The following PTPRU variants were observed in gnomAD, a reference collection of about 807,000 sequenced individuals.
PTPRU encodes the protein receptor-type tyrosine-protein phosphatase U.
In PTPRU, 69 loss-of-function variants were observed where a neutral mutation model predicts 166.3. The ratio of observed to expected loss-of-function variants is 0.41; its 90% CI spans 0.34 to 0.51. PTPRU has a LOEUF of 0.51. PTPRU is among the 20% of genes least tolerant of loss of function. The pLI is 0.09. For missense variants in PTPRU, 1,657 were observed against 2,013.7 expected, an observed-to-expected ratio of 0.82 and a Z score of 3.39; for synonymous variants, 793 against 814.0, an observed-to-expected ratio of 0.97 and a Z score of 0.44.
chr1:29,308,169 G>C (rs1434159487), intron 18 of PTPRU, among the ~76,000 whole-genome samples: 1 of 151,838 alleles, frequency 6.6e-6, no homozygotes, highest in Non-Finnish European at 1.5e-5. Context: ...GAGTGCAGGG[G>C]TGTGATCATG....
intron 14 of PTPRU, among the ~76,000 whole-genome samples, chr1:29,289,929 G>A (rs1262094681): frequency 6.6e-6 from 1 of 152,130 alleles, no homozygotes; most frequent in Non-Finnish European, 1.5e-5. Context: ...TGCTGGTTCT[G>A]CCCCTAAGAG....
intron 1 of PTPRU, among the ~76,000 whole-genome samples, chr1:29,251,979 G>A (rs1684562737): frequency 6.6e-6 from 1 of 152,236 alleles, no homozygotes; most frequent in Admixed American, 6.5e-5. Flanking sequence ...CTGCTGCACT[G>A]TGGGTCTTTT....
intron 15 of PTPRU, among the ~76,000 whole-genome samples, chr1:29,293,068 C>G (rs1686716080): frequency 6.6e-6 from 1 of 152,164 alleles, no homozygotes; most frequent in South Asian, 2.1e-4. Context: ...TAACCTCTGC[C>G]TCCAGGGTTG....
At position 29,238,706 on chromosome 1, in the gene PTPRU, T is replaced by C. The variant is rs1454623260; in HGVS notation, c.73+1989T>C. Among the ~76,000 whole-genome samples, 1 of 151,134 alleles carries C rather than the reference T, an allele frequency of 6.6e-6. No individual in the cohort carries two copies. Among genetic ancestry groups the C allele is most frequent in the African/African-American group, 2.4e-5 (1 of 41,178 alleles). On this transcript the variant is annotated intron_variant, in intron 1 of 29. Transcript: ENST00000373779. The surrounding 1 kb of genome is among the most constrained non-coding windows in gnomAD (Gnocchi z 6.1). ...CCCATCCTCCCCAACTTCTCCCCCA[T>C]GTCCTGCGGCAACTTTGCCTCCCTC...
chr1:29,320,494 G>A lies in PTPRU; in HGVS notation c.3688-191G>A. ...TCATGGGCTTGGTCCCCAGAGGCCT[G>A]GGCCCACCCTGTCAACCCAGGCCTC... On this transcript the variant is annotated intron_variant, in intron 25 of 29. Transcript: ENST00000373779. This position sits in a 1 kb window ranked among gnomAD's most constrained non-coding sequence, Gnocchi z 5.2. The A allele has an allele frequency of 1.9e-6, 1 of 539,086 alleles. No homozygotes were observed. The highest frequency in any genetic ancestry group is 3.0e-6 in the Non-Finnish European group (1 of 336,162). 33.4% of individuals were successfully genotyped at this position (539,086 alleles called of 1,614,324 possible).
chr1:29,259,701 G>A, intron 5 of PTPRU, 137 bp downstream of exon 5: 1 of 1,244,386 alleles, frequency 8.0e-7, no homozygotes, highest in Admixed American at 2.7e-5. Context: ...CCCTCCCCTA[G>A]CTCTGCTCTG....
chr1:29,300,437 C>T (rs182365960), intron 15 of PTPRU, among the ~76,000 whole-genome samples: 1 of 152,330 alleles, frequency 6.6e-6, no homozygotes, highest in East Asian at 1.9e-4. Flanking sequence ...TCACAGACTC[C>T]TTTAAAACAC....
chr1:29,298,411 G>A (rs1000276266), intron 15 of PTPRU, among the ~76,000 whole-genome samples: 1 of 152,194 alleles, frequency 6.6e-6, no homozygotes, highest in African/African-American at 2.4e-5. Context: ...GTGGAGGCCA[G>A]GTTTTTGTGG....
chr1:29,293,403 GC>G (rs1686734195), intron 15 of PTPRU, among the ~76,000 whole-genome samples: 1 of 152,078 alleles, frequency 6.6e-6, no homozygotes, highest in African/African-American at 2.4e-5. Context: ...GGGATTACTG[GC>G]GTGAGTCACT....
In PTPRU at chr1:29,320,678, C is replaced by T; in HGVS notation, c.3688-7C>T. The T allele has an allele frequency of 1.3e-6, 2 of 1,567,922 alleles. No homozygotes were observed. Among genetic ancestry groups the T allele is most frequent in the Non-Finnish European group, 1.7e-6 (2 of 1,148,960 alleles). On this transcript the variant is annotated splice_region_variant and splice_polypyrimidine_tract_variant and intron_variant, in intron 25 of 29. Transcript: ENST00000373779. The surrounding 1 kb of genome is among the most constrained non-coding windows in gnomAD (Gnocchi z 5.2). ...CAGGGCCCTGCTGAGTTCCGGTTTC[C>T]CTGCAGAGCTACACACGGAGTGCGG...
At chr1:29,243,216 G>A (rs1017168699) in intron 1 of PTPRU, among the ~76,000 whole-genome samples, 11 of 152,108 alleles carry the variant, frequency 7.2e-5, no homozygotes, top group Non-Finnish European at 1.5e-4. Context: ...GGTTTCTAAT[G>A]CTTCCACCAC....
At chr1:29,255,068 T>A (rs1411726768) in intron 1 of PTPRU, among the ~76,000 whole-genome samples, 1 of 151,134 alleles carries the variant, frequency 6.6e-6, no homozygotes, top group African/African-American at 2.4e-5. Context: ...TGTAGGGACA[T>A]CTTGGTATTG....
Position 29,259,352 on chromosome 1 carries a change from A to G in PTPRU, c.559+10A>G, listed in dbSNP as rs781171364. The G allele has an allele frequency of 6.2e-7, 1 of 1,613,444 alleles. No homozygotes were observed. The highest frequency in any genetic ancestry group is 8.5e-7 in the Non-Finnish European group (1 of 1,179,566). ...CTCAGCTACCCCTGCGGTGAGTCCC[A>G]GCCCACTGGGGGCGCAGGGGTAAGG... is the stretch of plus-strand genomic sequence containing the variant. On this transcript the variant is annotated intron_variant, in intron 4 of 29. Transcript: ENST00000373779.
chr1:29,279,583 T>A lies in PTPRU; in HGVS notation c.1691T>A (p.Leu564Gln). Reference sequence around the variant, plus strand: ...AACCTGCACCCAGGCACCACCTACCTGTTCTCCGTGCGGGCCCGCACAGGC... The same window carrying A: ...AACCTGCACCCAGGCACCACCTACCAGTTCTCCGTGCGGGCCCGCACAGGC... ...FSNLHPGTTYLFSVRARTGKG... is the reference protein window; with the variant it reads ...FSNLHPGTTYQFSVRARTGKG... The change falls in exon 10 of 30, where the codon CTG becomes CAG. Residue 564 changes from leucine to glutamine, a missense_variant. This residue lies in a region of PTPRU where 1,190 missense variants were observed against 1,477.4 expected (regional missense o/e 0.81). Transcript: ENST00000373779. This position sits in a 1 kb window ranked among gnomAD's most constrained non-coding sequence, Gnocchi z 5.2. 6.2e-7 allele frequency: 1 copy of A among 1,614,076 alleles called. No homozygotes were observed. Among genetic ancestry groups the A allele is most frequent in the East Asian group, 2.2e-5 (1 of 44,866 alleles).
intron 1 of PTPRU, among the ~76,000 whole-genome samples, chr1:29,240,023 G>A (rs898020475): frequency 6.6e-6 from 1 of 152,086 alleles, no homozygotes; most frequent in African/African-American, 2.4e-5. Context: ...CTATGATCTG[G>A]CCAGCCTGAC....
Position 29,279,968 on chromosome 1 carries a change from A to G in PTPRU, c.1766-71A>G. 1 of 1,455,076 alleles carries G rather than the reference A, an allele frequency of 6.9e-7. No homozygotes were observed. Among genetic ancestry groups the G allele is most frequent in the East Asian group, 2.3e-5 (1 of 43,870 alleles). 90.1% of individuals were successfully genotyped at this position (1,455,076 alleles called of 1,614,324 possible). A position where few individuals can be genotyped will look rare whatever the true frequency, so the allele number is the denominator to read the frequency against. The stretch of plus-strand genomic sequence containing the variant: ...AGGGGAGATCTGAGGACTGTGGTCA[A>G]GGAGGCTGGAAGCCTGGTCTTCCTG... On this transcript the variant is annotated intron_variant, in intron 10 of 29. Transcript: ENST00000373779. The surrounding 1 kb of genome is among the most constrained non-coding windows in gnomAD (Gnocchi z 5.2).
chr1:29,244,205 A>G (rs1425750676), intron 1 of PTPRU, among the ~76,000 whole-genome samples: 1 of 151,980 alleles, frequency 6.6e-6, no homozygotes, highest in Non-Finnish European at 1.5e-5. Flanking sequence ...GGGCTCCCAG[A>G]CTAGTGGAAA....
At chr1:29,256,920 G>A (rs1352346321) in intron 2 of PTPRU, among the ~76,000 whole-genome samples, 1 of 152,204 alleles carries the variant, frequency 6.6e-6, no homozygotes, top group East Asian at 1.9e-4. Flanking sequence ...ATTAGTGTGA[G>A]CCTTGTGCTA....
chr1:29,322,791 C>T (rs1190076174), intron 26 of PTPRU, among the ~76,000 whole-genome samples: 1 of 151,958 alleles, frequency 6.6e-6, no homozygotes, highest in Non-Finnish European at 1.5e-5. Context: ...TGTATTTGTA[C>T]GTGTGTTTGT....
Sources: gnomAD v4.1 joint callset for allele counts (sites outside exome capture counted in the v4.1 genomes callset) on GRCh38, gnomAD v4.1.1 for gene constraint, gnomAD v4.1.1 regional missense constraint, Gnocchi (gnomAD v3.1) non-coding constraint, MANE v1.5 for transcripts, NCBI Gene and HGNC (gene_info 2026-07-23, HGNC 2026-07-21) for gene names.